MBD5: variants seen among roughly 807,000 people sequenced by gnomAD.
MBD5 encodes methyl-CpG-binding domain protein 5.
A neutral mutation model predicts 117.3 loss-of-function variants in MBD5; 13 were observed. The ratio of observed to expected loss-of-function variants is 0.11; its 90% CI spans 0.07 to 0.18. The LOEUF (loss-of-function observed/expected upper bound fraction) is 0.18, where lower values mean the gene tolerates loss of function less well. MBD5 is among the 10% of genes least tolerant of loss of function. The pLI is 1.00. For missense variants in MBD5, 1,879 were observed against 2,093.8 expected, an observed-to-expected ratio of 0.90 and a Z score of 2.00; for synonymous variants, 727 against 766.4, an observed-to-expected ratio of 0.95 and a Z score of 0.85.
intron 1 of MBD5, among the ~76,000 whole-genome samples, chr2:148,173,143 T>G (rs1015826897): frequency 6.6e-6 from 1 of 152,070 alleles, no homozygotes. Flanking sequence ...CTCACCACAA[T>G]GCGGGCGACT....
At chr2:148,173,784 TGAA>T (rs1698319719) in intron 1 of MBD5, among the ~76,000 whole-genome samples, 1 of 152,196 alleles carries the variant, frequency 6.6e-6, no homozygotes. Flanking sequence ...TGAAAGAAAT[TGAA>T]GAAGACACAA....
intron 4 of MBD5, among the ~76,000 whole-genome samples, chr2:148,451,253 G>A (rs138722986): frequency 1.3e-5 from 2 of 152,152 alleles, no homozygotes; most frequent in Non-Finnish European, 2.9e-5. Context: ...GTATCTGAGA[G>A]GTATATTTTG....
chr2:148,338,550 C>T (rs1206810038), intron 3 of MBD5, among the ~76,000 whole-genome samples: 1 of 152,142 alleles, frequency 6.6e-6, no homozygotes, highest in Non-Finnish European at 1.5e-5. Context: ...AGATACCTGT[C>T]CTCTCTCAAA....
intron 1 of MBD5, among the ~76,000 whole-genome samples, chr2:148,114,091 T>G (rs1220011991): frequency 6.6e-6 from 1 of 152,208 alleles, no homozygotes; most frequent in African/African-American, 2.4e-5. Flanking sequence ...TTCAAATATT[T>G]TATATACTAG....
intron 1 of MBD5, among the ~76,000 whole-genome samples, chr2:148,121,464 C>G (rs1696766970): frequency 6.6e-6 from 1 of 151,678 alleles, no homozygotes; most frequent in South Asian, 2.1e-4. Flanking sequence ...AATATTCAAG[C>G]AAACTTCTCT....
chr2:148,178,133 A>C (rs1323820609), intron 1 of MBD5, among the ~76,000 whole-genome samples: 92 of 152,212 alleles, frequency 6.0e-4, no homozygotes. Context: ...TTTGTCTATT[A>C]GAGGGAATTT....
At chr2:148,465,639 T>C (rs966317834) in intron 7 of MBD5, among the ~76,000 whole-genome samples, 3 of 152,078 alleles carry the variant, frequency 2.0e-5, no homozygotes, top group African/African-American at 7.2e-5. Context: ...TTCTCCATAA[T>C]GAGTGTCGCA....
intron 11 of MBD5, among the ~76,000 whole-genome samples, chr2:148,491,318 C>A (rs1372487875): frequency 5.6e-5 from 8 of 142,568 alleles, no homozygotes; most frequent in Non-Finnish European, 1.2e-4. Context: ...TTTTTTTCGG[C>A]CTTTACAATA....
At chr2:148,357,487 A>G (rs1703415033) in intron 4 of MBD5, among the ~76,000 whole-genome samples, 1 of 150,328 alleles carries the variant, frequency 6.7e-6, no homozygotes, top group Non-Finnish European at 1.5e-5. Flanking sequence ...GGTATTTTGC[A>G]ATTCCTGATA....
intron 1 of MBD5, chr2:148,025,779 G>A (rs537959240): frequency 1.3e-5 from 2 of 152,050 alleles, no homozygotes; most frequent in African/African-American, 4.8e-5. Flanking sequence ...GGAATTTTTA[G>A]TATGTAGTAG....
In MBD5 at chr2:148,468,911, T is replaced by C. The variant is rs2105627859; in HGVS notation, c.968T>C (p.Ile323Thr). 1 of 1,613,816 alleles carries C rather than the reference T, an allele frequency of 6.2e-7. No individual in the cohort carries two copies. The highest frequency in any genetic ancestry group is 8.5e-7 in the Non-Finnish European group (1 of 1,179,888). Residue 323 changes from isoleucine (I) to threonine (T), a missense_variant, in exon 8 of 14, where the codon ATA becomes ACA. Physicochemically the swap from Ile to Thr is moderately conservative, Grantham distance 89 (BLOSUM62 -1). This residue lies in a region of MBD5 where 1,666 missense variants were observed against 1,792.2 expected (regional missense o/e 0.93). Transcript: ENST00000642680. ...PMCNFSTNMEIPRAMFHHKPP... is the reference protein window; with the variant it reads ...PMCNFSTNMETPRAMFHHKPP... ...TGTAATTTTTCAACTAATATGGAAA[T>C]ACCACGAGCAATGTTCCACCACAAA...
At chr2:148,035,051 C>T (rs910282802) in intron 1 of MBD5, among the ~76,000 whole-genome samples, 8 of 151,980 alleles carry the variant, frequency 5.3e-5, no homozygotes, top group African/African-American at 1.9e-4. Context: ...TCAGAGTTGT[C>T]ATGACTATGA....
chr2:148,274,724 T>TG (rs1701063839), intron 3 of MBD5, among the ~76,000 whole-genome samples: 1 of 111,246 alleles, frequency 9.0e-6, no homozygotes, highest in East Asian at 2.2e-4. Flanking sequence ...TGAGTTTTTT[T>TG]GTTTTTTTTT....
At chr2:148,176,358 A>T in intron 1 of MBD5, among the ~76,000 whole-genome samples, 1 of 128,200 alleles carries the variant, frequency 7.8e-6, no homozygotes, top group Admixed American at 8.1e-5. Context: ...GTGTATGAAT[A>T]TATTTTTATT....
chr2:148,164,740 C>G (rs1332072278), intron 1 of MBD5, among the ~76,000 whole-genome samples: 4 of 152,030 alleles, frequency 2.6e-5, no homozygotes, highest in Non-Finnish European at 5.9e-5. Context: ...CTGATTGTTT[C>G]AGTTCATTTC....
At chr2:148,397,009 A>G (rs1704736720) in intron 4 of MBD5, among the ~76,000 whole-genome samples, 1 of 152,218 alleles carries the variant, frequency 6.6e-6, no homozygotes, top group South Asian at 2.1e-4. Flanking sequence ...TGCCTTTCCT[A>G]AACTCCTTAC....
chr2:148,276,834 G>C (rs936230842), intron 3 of MBD5, among the ~76,000 whole-genome samples: 2 of 152,022 alleles, frequency 1.3e-5, no homozygotes, highest in African/African-American at 2.4e-5. Flanking sequence ...TTATATGTAT[G>C]ATGACTTTTC....
At chr2:148,255,288 C>T (rs562938785) in intron 3 of MBD5, among the ~76,000 whole-genome samples, 1 of 152,302 alleles carries the variant, frequency 6.6e-6, no homozygotes, top group African/African-American at 2.4e-5. Context: ...CCCGTGGTTC[C>T]TTTGGGTGCT....
chr2:148,224,509 A>AT (rs34659671), intron 2 of MBD5, among the ~76,000 whole-genome samples: 1,344 of 58,172 alleles, frequency 0.023, 49 homozygotes, highest in East Asian at 0.043. Context: ...CGCCTGGCTA[A>AT]TTTTTTTTTT....
Sources: allele counts gnomAD v4.1 joint callset (sites outside exome capture counted in the v4.1 genomes callset), GRCh38; gene constraint gnomAD v4.1.1; regional missense constraint gnomAD v4.1.1; transcripts MANE v1.5; gene names NCBI Gene and HGNC (gene_info 2026-07-23, HGNC 2026-07-21).